The following ZNF385B variants were observed in gnomAD, a reference collection of about 807,000 sequenced individuals.
ZNF385B encodes the protein zinc finger protein 385B, also known as zinc finger protein 533.
In ZNF385B, 23 loss-of-function variants were observed where a neutral mutation model predicts 39.2. The observed-to-expected ratio is 0.59, with a 90% CI of 0.42 to 0.83. The LOEUF is 0.83. Among genes scored for constraint, ZNF385B ranks in the 40% least tolerant of loss-of-function variants. ZNF385B has a pLI of 0.00. For synonymous variants in ZNF385B, 205 were observed against 222.6 expected (o/e 0.92, Z 0.70); for missense variants, 552 against 598.9 (o/e 0.92, Z 0.82).
intron 3 of ZNF385B, among the ~76,000 whole-genome samples, chr2:179,655,774 G>T (rs1693693002): frequency 6.6e-6 from 1 of 152,004 alleles, no homozygotes; most frequent in African/African-American, 2.4e-5. Context: ...AAATCTAAAG[G>T]CAAATATGTT....
At chr2:179,568,461 A>G (rs937871734) in intron 3 of ZNF385B, among the ~76,000 whole-genome samples, 1 of 152,232 alleles carries the variant, frequency 6.6e-6, no homozygotes, top group African/African-American at 2.4e-5. Context: ...TTTTGAATGA[A>G]TGAATGACCA....
intron 3 of ZNF385B, among the ~76,000 whole-genome samples, chr2:179,578,483 A>G (rs1049043964): frequency 1.3e-5 from 2 of 152,116 alleles, no homozygotes; most frequent in Non-Finnish European, 2.9e-5. Flanking sequence ...TGTGGTGCCT[A>G]TGTGTATACA....
At chr2:179,682,402 T>G (rs1228753655) in intron 3 of ZNF385B, among the ~76,000 whole-genome samples, 5 of 152,270 alleles carry the variant, frequency 3.3e-5, no homozygotes, top group Non-Finnish European at 1.5e-5. Context: ...GTAAATATCC[T>G]TTTCTCAAAT....
Position 179,443,160 on chromosome 2 carries a change from A to G in ZNF385B, c.*90T>C, listed in dbSNP as rs2049112034. The G allele has an allele frequency of 7.2e-7, 1 of 1,396,260 alleles. No individual in the cohort carries two copies. The highest frequency in any genetic ancestry group is 1.8e-5 in the Admixed American group (1 of 56,206). The allele number at this position is 1,396,260 out of a possible 1,614,324, so 86.5% of individuals were successfully genotyped here. On this transcript the variant is annotated 3_prime_UTR_variant, in exon 10 of 10. Coordinates refer to ENST00000410066, the MANE Select transcript of ZNF385B (RefSeq NM_152520.6). ...TGCATTTTGTGGGTGAATGGGGGGT[A>G]CTGCAACACAAACTGCTTAAATTGC... is the stretch of plus-strand genomic sequence containing the variant.
At chr2:179,462,911 G>C (rs1424529278) in intron 6 of ZNF385B, among the ~76,000 whole-genome samples, 3 of 152,074 alleles carry the variant, frequency 2.0e-5, no homozygotes, top group African/African-American at 7.2e-5. Context: ...ATGTGTGTGT[G>C]TGTGTGTTTG....
At chr2:179,631,035 T>C (rs989415925) in intron 3 of ZNF385B, among the ~76,000 whole-genome samples, 1 of 152,170 alleles carries the variant, frequency 6.6e-6, no homozygotes, top group Non-Finnish European at 1.5e-5. Flanking sequence ...AGACCAAATC[T>C]ACGTTTGATT....
intron 1 of ZNF385B, among the ~76,000 whole-genome samples, chr2:179,828,021 G>A (rs544797238): frequency 6.6e-6 from 1 of 152,002 alleles, no homozygotes; most frequent in African/African-American, 2.4e-5. Context: ...TAAATTATTT[G>A]TTTTCATTTA....
At chr2:179,644,667 T>C (rs1692558807) in intron 3 of ZNF385B, among the ~76,000 whole-genome samples, 1 of 152,222 alleles carries the variant, frequency 6.6e-6, no homozygotes, top group African/African-American at 2.4e-5. Context: ...TATAATTTCC[T>C]GAATTATAGG....
chr2:179,681,939 A>G (rs1023548036), intron 3 of ZNF385B, among the ~76,000 whole-genome samples: 5 of 152,248 alleles, frequency 3.3e-5, no homozygotes, highest in Non-Finnish European at 7.3e-5. Context: ...AGATTTACAT[A>G]TGAGGATGTT....
At chr2:179,658,538 C>G (rs913788290) in intron 3 of ZNF385B, among the ~76,000 whole-genome samples, 1 of 152,122 alleles carries the variant, frequency 6.6e-6, no homozygotes, top group Non-Finnish European at 1.5e-5. Flanking sequence ...CCTGGGTCTC[C>G]TATTTCCTAG....
chr2:179,518,722 C>A, intron 4 of ZNF385B, 84 bp from the exon 5 acceptor site: 1 of 773,522 alleles, frequency 1.3e-6, no homozygotes, highest in Non-Finnish European at 2.0e-6. Context: ...TTGAAATATT[C>A]CATAAAGTTT....
chr2:179,466,792 A>G (rs778375353), intron 6 of ZNF385B, among the ~76,000 whole-genome samples: 1 of 151,488 alleles, frequency 6.6e-6, no homozygotes, highest in Non-Finnish European at 1.5e-5. Context: ...ATGGTGGCAC[A>G]CATCTGTAAT....
chr2:179,605,654 G>A (rs903124451), intron 3 of ZNF385B, among the ~76,000 whole-genome samples: 2 of 152,166 alleles, frequency 1.3e-5, no homozygotes, highest in African/African-American at 4.8e-5. Flanking sequence ...AATATGAAAA[G>A]TGAATTGTCA....
chr2:179,737,667 T>C (rs770342524), intron 3 of ZNF385B, among the ~76,000 whole-genome samples: 6 of 152,252 alleles, frequency 3.9e-5, no homozygotes, highest in Non-Finnish European at 5.9e-5. Context: ...TTTACTAGGA[T>C]AATTTCTGAT....
In ZNF385B at chr2:179,641,121, T is replaced by C. The variant is rs557882226; in HGVS notation, c.299-96152A>G. On this transcript the variant is annotated intron_variant, in intron 3 of 9. Transcript: ENST00000410066. Reference sequence around the variant, plus strand: ...TTTTTATTTGTTATATTTTATTTTCTGACTTAGAACTCCACAGGTTTTTCT... The same window carrying C: ...TTTTTATTTGTTATATTTTATTTTCCGACTTAGAACTCCACAGGTTTTTCT... 1.0e-3 allele frequency among the ~76,000 whole-genome samples: 155 copies of C among 152,196 alleles called. 1 individual carries two copies. The highest frequency in any genetic ancestry group is 5.9e-4 in the Non-Finnish European group (40 of 68,028).
intron 6 of ZNF385B, among the ~76,000 whole-genome samples, chr2:179,479,833 T>A (rs2053807589): frequency 6.6e-6 from 1 of 152,008 alleles, no homozygotes; most frequent in African/African-American, 2.4e-5. Context: ...AGCGAGACTC[T>A]GTCTCAAAAA....
intron 1 of ZNF385B, among the ~76,000 whole-genome samples, chr2:179,855,973 C>T (rs1022263921): frequency 8.0e-4 from 122 of 152,302 alleles, no homozygotes; most frequent in African/African-American, 2.8e-3. Flanking sequence ...AAAAACACTG[C>T]ATTCCTAAAT....
intron 3 of ZNF385B, among the ~76,000 whole-genome samples, chr2:179,610,504 G>C (rs1274230459): frequency 6.6e-6 from 1 of 152,052 alleles, no homozygotes; most frequent in Non-Finnish European, 1.5e-5. Flanking sequence ...CTCTAGTTTT[G>C]CTTCTGTTGC....
intron 3 of ZNF385B, among the ~76,000 whole-genome samples, chr2:179,753,893 C>G (rs1702844650): frequency 6.6e-6 from 1 of 152,190 alleles, no homozygotes. Context: ...GACAATTTGA[C>G]TTCCTCTTTT....
Sources: gnomAD v4.1 joint callset for allele counts (sites outside exome capture counted in the v4.1 genomes callset) on GRCh38, gnomAD v4.1.1 for gene constraint, MANE v1.5 for transcripts, NCBI Gene and HGNC (gene_info 2026-07-23, HGNC 2026-07-21) for gene names.